The following SPOCK3 variants were observed in gnomAD, a reference collection of about 807,000 sequenced individuals.
SPOCK3 encodes the protein testican-3.
Under a neutral mutation model 56.6 loss-of-function variants are expected in SPOCK3, and 30 were observed. The observed-to-expected ratio is 0.53, with a 90% CI of 0.40 to 0.72. The LOEUF (loss-of-function observed/expected upper bound fraction) is 0.72. SPOCK3 is among the 30% of genes least tolerant of loss of function. The pLI is 0.00. For missense variants in SPOCK3, 527 were observed against 530.0 expected (o/e 0.99, Z 0.06); for synonymous variants, 196 against 183.3 (o/e 1.07, Z -0.56).
intron 4 of SPOCK3, among the ~76,000 whole-genome samples, chr4:166,985,130 A>G (rs2150100815): frequency 6.6e-6 from 1 of 152,250 alleles, no homozygotes; most frequent in South Asian, 2.1e-4. Context: ...TTGAATCACT[A>G]CAGAAGTTGG....
chr4:167,073,133 T>C lies in SPOCK3; in HGVS notation c.190-10596A>G, dbSNP rs377636447. Among the ~76,000 whole-genome samples the C allele has an allele frequency of 4.6e-5, 7 of 151,734 alleles. No homozygotes were observed. In the East Asian group the frequency reaches 1.4e-3, roughly 29 times the overall value. ...TGTAAAAATATTTATGGTATTTCCA[T>C]AATTTTACATTTGATATTTATAACA... On this transcript the variant is annotated intron_variant, in intron 2 of 10. Coordinates refer to ENST00000357545, the MANE Select transcript of SPOCK3 (RefSeq NM_001040159.2).
chr4:166,875,194 T>C (rs1732950080), intron 6 of SPOCK3, among the ~76,000 whole-genome samples: 1 of 152,274 alleles, frequency 6.6e-6, no homozygotes, highest in South Asian at 2.1e-4. Flanking sequence ...CTTTTGCATA[T>C]TTAAAAAATA....
chr4:166,932,976 A>G (rs1739961285), intron 4 of SPOCK3, among the ~76,000 whole-genome samples: 1 of 152,200 alleles, frequency 6.6e-6, no homozygotes, highest in African/African-American at 2.4e-5. Context: ...TACTTGTAAT[A>G]AGAATCCTAG....
At chr4:166,808,515 G>C (rs1743418291) in intron 6 of SPOCK3, among the ~76,000 whole-genome samples, 1 of 151,852 alleles carries the variant, frequency 6.6e-6, no homozygotes, top group Non-Finnish European at 1.5e-5. Context: ...TGCAAACCAG[G>C]AAAGGAGCCC....
intron 2 of SPOCK3, among the ~76,000 whole-genome samples, chr4:167,224,979 T>C (rs577338445): frequency 6.6e-6 from 1 of 152,284 alleles, no homozygotes; most frequent in African/African-American, 2.4e-5. Flanking sequence ...CTTTCTTTTC[T>C]ATACTGAAAT....
At chr4:167,028,175 C>G (rs562308231) in intron 3 of SPOCK3, among the ~76,000 whole-genome samples, 1 of 151,620 alleles carries the variant, frequency 6.6e-6, no homozygotes, top group Non-Finnish European at 1.5e-5. Context: ...TCACTTGAAG[C>G]CAGAGGTTCA....
intron 2 of SPOCK3, among the ~76,000 whole-genome samples, chr4:167,067,084 G>C (rs1414993643): frequency 6.6e-6 from 1 of 151,780 alleles, no homozygotes; most frequent in African/African-American, 2.4e-5. Context: ...AGAATCAGTT[G>C]GGAATAGGAG....
At chr4:166,768,902 C>T (rs897651779) in intron 7 of SPOCK3, among the ~76,000 whole-genome samples, 1 of 152,058 alleles carries the variant, frequency 6.6e-6, no homozygotes, top group African/African-American at 2.4e-5. Flanking sequence ...ACCCTTTTTT[C>T]TCCAAGCTTC....
intron 6 of SPOCK3, among the ~76,000 whole-genome samples, chr4:166,871,694 T>C (rs1380596255): frequency 1.3e-5 from 2 of 151,696 alleles, no homozygotes; most frequent in African/African-American, 4.8e-5. Flanking sequence ...ACACTACAAA[T>C]AATATAAGAC....
At chr4:167,172,363 T>A (rs969918955) in intron 2 of SPOCK3, among the ~76,000 whole-genome samples, 1 of 152,184 alleles carries the variant, frequency 6.6e-6, no homozygotes, top group Admixed American at 6.6e-5. Flanking sequence ...AATAATCAAA[T>A]ACCATTTTTC....
intron 7 of SPOCK3, among the ~76,000 whole-genome samples, chr4:166,755,592 C>T (rs1053471537): frequency 1.4e-4 from 21 of 152,012 alleles, no homozygotes; most frequent in Non-Finnish European, 2.5e-4. Flanking sequence ...GTTTAATTTT[C>T]TCTTTTCTAC....
chr4:167,177,727 C>G (rs1363427195), intron 2 of SPOCK3, among the ~76,000 whole-genome samples: 1 of 152,016 alleles, frequency 6.6e-6, no homozygotes, highest in Non-Finnish European at 1.5e-5. Context: ...TTACACTGAC[C>G]TTTTTCTTTT....
At chr4:167,079,501 ATCTT>A (rs1383513856) in intron 2 of SPOCK3, among the ~76,000 whole-genome samples, 1 of 151,984 alleles carries the variant, frequency 6.6e-6, no homozygotes, top group Non-Finnish European at 1.5e-5. Context: ...ATGGGGATAA[ATCTT>A]TATAGACTAA....
intron 2 of SPOCK3, among the ~76,000 whole-genome samples, chr4:167,129,115 G>A (rs893421346): frequency 1.4e-4 from 22 of 152,148 alleles, no homozygotes; most frequent in African/African-American, 2.7e-4. Flanking sequence ...GGTTCTCAAC[G>A]TACTGCCTTT....
At chr4:166,820,593 G>T (rs912389894) in intron 6 of SPOCK3, among the ~76,000 whole-genome samples, 2 of 151,970 alleles carry the variant, frequency 1.3e-5, no homozygotes, top group South Asian at 2.1e-4. Context: ...GGAGGCCGAG[G>T]TTGAGTGAAT....
At chr4:166,963,596 A>C (rs2150061070) in intron 4 of SPOCK3, among the ~76,000 whole-genome samples, 1 of 152,110 alleles carries the variant, frequency 6.6e-6, no homozygotes, top group East Asian at 1.9e-4. Context: ...GATACTGAAT[A>C]GGCAAGATTC....
intron 2 of SPOCK3, among the ~76,000 whole-genome samples, chr4:167,163,166 ATTTT>A (rs560014140): frequency 2.3e-5 from 3 of 127,876 alleles, no homozygotes; most frequent in Non-Finnish European, 3.3e-5. Flanking sequence ...TTGTTGGGGG[ATTTT>A]TTTTTTTTTT....
At chr4:167,080,329 T>C (rs1757594652) in intron 2 of SPOCK3, among the ~76,000 whole-genome samples, 1 of 152,106 alleles carries the variant, frequency 6.6e-6, no homozygotes, top group East Asian at 1.9e-4. Flanking sequence ...TGCAAACAAG[T>C]TTCCAATTGT....
At chr4:167,125,600 A>G (rs1244242846) in intron 2 of SPOCK3, among the ~76,000 whole-genome samples, 5 of 96,542 alleles carry the variant, frequency 5.2e-5, no homozygotes, top group African/African-American at 1.6e-4. Context: ...TGTAGTCCCA[A>G]GCTACTCGGG....
Sources: allele counts gnomAD v4.1 joint callset (sites outside exome capture counted in the v4.1 genomes callset), GRCh38; gene constraint gnomAD v4.1.1; transcripts MANE v1.5; gene names NCBI Gene and HGNC (gene_info 2026-07-23, HGNC 2026-07-21).